Variants in KCNJ3 observed in about 807,000 individuals in gnomAD.
KCNJ3 encodes G protein-activated inward rectifier potassium channel 1.
A neutral mutation model predicts 39.2 loss-of-function variants in KCNJ3; 4 were observed. The ratio of observed to expected loss-of-function variants is 0.10; its 90% CI spans 0.05 to 0.23. The LOEUF is 0.23. Among genes scored for constraint, KCNJ3 ranks in the 10% least tolerant of loss-of-function variants. The pLI is 1.00. For missense variants in KCNJ3, 276 were observed against 634.9 expected (o/e 0.43, Z 6.08); for synonymous variants, 230 against 237.4 (o/e 0.97, Z 0.29).
chr2:154,768,017 A>G (rs1041386487), intron 2 of KCNJ3, among the ~76,000 whole-genome samples: 1 of 152,008 alleles, frequency 6.6e-6, no homozygotes, highest in African/African-American at 2.4e-5. Context: ...TCCTTCACCC[A>G]CTTTTTGATG....
Position 154,747,133 on chromosome 2 carries a change from G to T in KCNJ3, c.919+37314G>T, listed in dbSNP as rs991649975. On this transcript the variant is annotated intron_variant, in intron 2 of 2. Transcript: ENST00000295101. ...GTTACTAAGAAGTGAATTATTTTCA[G>T]TTCATTTCTTACTTAGTGACTATAG... Among the ~76,000 whole-genome samples the T allele has an allele frequency of 2.0e-5, 3 of 151,810 alleles. No individual in the cohort carries two copies. In the East Asian group the frequency reaches 5.8e-4, roughly 29 times the overall value.
At chr2:154,726,594 G>C (rs1685361327) in intron 2 of KCNJ3, among the ~76,000 whole-genome samples, 1 of 152,028 alleles carries the variant, frequency 6.6e-6, no homozygotes, top group Non-Finnish European at 1.5e-5. Context: ...ATTTGATCCA[G>C]CAAGCCCACT....
At chr2:154,752,988 A>C (rs1685872824) in intron 2 of KCNJ3, among the ~76,000 whole-genome samples, 1 of 152,080 alleles carries the variant, frequency 6.6e-6, no homozygotes, top group African/African-American at 2.4e-5. Context: ...TATATTGATC[A>C]ATCTTTAGGT....
chr2:154,720,974 C>T (rs1007723592), intron 2 of KCNJ3, among the ~76,000 whole-genome samples: 4 of 151,548 alleles, frequency 2.6e-5, no homozygotes, highest in African/African-American at 7.3e-5. Context: ...TTAGCATTAT[C>T]GGCTCCAAAA....
chr2:154,778,654 A>G (rs906615759), intron 2 of KCNJ3, among the ~76,000 whole-genome samples: 22 of 152,302 alleles, frequency 1.4e-4, no homozygotes, highest in African/African-American at 5.1e-4. Flanking sequence ...TTAGGAACTG[A>G]GATAATTTTT....
intron 2 of KCNJ3, among the ~76,000 whole-genome samples, chr2:154,804,038 T>C (rs1172818929): frequency 6.6e-6 from 1 of 152,118 alleles, no homozygotes; most frequent in Non-Finnish European, 1.5e-5. Flanking sequence ...CTAAAAATGA[T>C]TTCAGTATTT....
chr2:154,761,248 T>C (rs1036982148), intron 2 of KCNJ3, among the ~76,000 whole-genome samples: 1 of 152,072 alleles, frequency 6.6e-6, no homozygotes, highest in Non-Finnish European at 1.5e-5. Flanking sequence ...GCATATTTTC[T>C]CCATCAAACT....
chr2:154,843,237 T>C (rs1687607640), intron 2 of KCNJ3, among the ~76,000 whole-genome samples: 2 of 152,210 alleles, frequency 1.3e-5, no homozygotes, highest in Admixed American at 1.3e-4. Context: ...TTGAAAATTC[T>C]TTGCTTTGAG....
intron 2 of KCNJ3, among the ~76,000 whole-genome samples, chr2:154,786,246 C>A (rs1686527402): frequency 6.6e-6 from 1 of 152,078 alleles, no homozygotes; most frequent in Non-Finnish European, 1.5e-5. Context: ...AGTCTTTTTA[C>A]CTCAGTGTAT....
chr2:154,747,729 G>A (rs1035391985), intron 2 of KCNJ3, among the ~76,000 whole-genome samples: 17 of 152,020 alleles, frequency 1.1e-4, no homozygotes, highest in Non-Finnish European at 4.4e-5. Flanking sequence ...TGAAATTAGA[G>A]TTGTAGGTTT....
intron 2 of KCNJ3, among the ~76,000 whole-genome samples, chr2:154,754,188 A>G (rs528404430): frequency 2.0e-5 from 3 of 152,374 alleles, no homozygotes; most frequent in African/African-American, 7.2e-5. Flanking sequence ...TGGTCTTTTT[A>G]TGACATTAAT....
intron 2 of KCNJ3, among the ~76,000 whole-genome samples, chr2:154,849,818 C>T (rs1574486305): frequency 6.6e-6 from 1 of 151,984 alleles, no homozygotes; most frequent in East Asian, 1.9e-4. Context: ...ATGTTTAATT[C>T]AGTTAAAAGG....
At chr2:154,804,478 T>A (rs1686875360) in intron 2 of KCNJ3, among the ~76,000 whole-genome samples, 1 of 152,132 alleles carries the variant, frequency 6.6e-6, no homozygotes, top group Non-Finnish European at 1.5e-5. Flanking sequence ...TAGAAGATAT[T>A]TCACATTGTT....
At chr2:154,742,119 A>T (rs1378049020) in intron 2 of KCNJ3, among the ~76,000 whole-genome samples, 1 of 151,860 alleles carries the variant, frequency 6.6e-6, no homozygotes, top group Non-Finnish European at 1.5e-5. Flanking sequence ...TACCTCATCT[A>T]AGTGGAATCA....
intron 2 of KCNJ3, among the ~76,000 whole-genome samples, chr2:154,828,709 G>T (rs1687311226): frequency 1.3e-5 from 2 of 152,240 alleles, no homozygotes; most frequent in South Asian, 4.2e-4. Flanking sequence ...TTTGGCAGGG[G>T]TGATAAATCT....
At chr2:154,736,720 G>T (rs1558860301) in intron 2 of KCNJ3, among the ~76,000 whole-genome samples, 1 of 152,144 alleles carries the variant, frequency 6.6e-6, no homozygotes, top group Non-Finnish European at 1.5e-5. Context: ...CAGGGACAAA[G>T]TGTACTCTTC....
chr2:154,778,608 A>G (rs1258404026), intron 2 of KCNJ3, among the ~76,000 whole-genome samples: 1 of 152,152 alleles, frequency 6.6e-6, no homozygotes, highest in Non-Finnish European at 1.5e-5. Context: ...GATTTCCCTT[A>G]AGACAATTGA....
intron 2 of KCNJ3, among the ~76,000 whole-genome samples, chr2:154,790,089 C>T (rs2105209638): frequency 6.6e-6 from 1 of 152,112 alleles, no homozygotes; most frequent in East Asian, 1.9e-4. Flanking sequence ...CATTGGGGGG[C>T]ATGATCTTAC....
chr2:154,700,237 C>G (rs1350860383), intron 1 of KCNJ3, among the ~76,000 whole-genome samples: 1 of 152,170 alleles, frequency 6.6e-6, no homozygotes, highest in African/African-American at 2.4e-5. Flanking sequence ...TCACTTGAAG[C>G]TTTCAGCATC....
Sources: gnomAD v4.1 joint callset for allele counts (sites outside exome capture counted in the v4.1 genomes callset) on GRCh38, gnomAD v4.1.1 for gene constraint, MANE v1.5 for transcripts, NCBI Gene and HGNC (gene_info 2026-07-23, HGNC 2026-07-21) for gene names.